RPS6KA2: variants seen among roughly 807,000 people sequenced by gnomAD.
RPS6KA2 encodes the protein ribosomal protein S6 kinase A2.
In RPS6KA2, 42 loss-of-function variants were observed where a neutral mutation model predicts 91.8. That is an observed-to-expected ratio of 0.46 (90% CI 0.36 to 0.59). RPS6KA2 has a LOEUF of 0.59. RPS6KA2 is among the 20% of genes least tolerant of loss of function. RPS6KA2 has a pLI of 0.00. For synonymous variants in RPS6KA2, 414 were observed against 393.6 expected (o/e 1.05, Z -0.61); for missense variants, 798 against 978.5 (o/e 0.82, Z 2.46).
At chr6:166,492,699 T>C (rs1019174673) in intron 8 of RPS6KA2, among the ~76,000 whole-genome samples, 1 of 150,070 alleles carries the variant, frequency 6.7e-6, no homozygotes, top group African/African-American at 2.4e-5. Flanking sequence ...ATACATTTGT[T>C]TGGTGATTTC....
chr6:166,474,033 G>T (rs534929608), intron 10 of RPS6KA2, among the ~76,000 whole-genome samples: 1 of 147,770 alleles, frequency 6.8e-6, no homozygotes, highest in South Asian at 2.1e-4. Context: ...ACAGGACTCA[G>T]CCGGTTAGGA....
At chr6:166,446,781 C>T (rs1009633678) in intron 14 of RPS6KA2, among the ~76,000 whole-genome samples, 13 of 152,266 alleles carry the variant, frequency 8.5e-5, no homozygotes, top group Admixed American at 3.3e-4. Flanking sequence ...CTGACCAAAC[C>T]GTAGGCTTGT....
intron 1 of RPS6KA2, among the ~76,000 whole-genome samples, chr6:166,625,559 G>T (rs1222162486): frequency 6.6e-6 from 1 of 151,958 alleles, no homozygotes; most frequent in Non-Finnish European, 1.5e-5. Context: ...AGGAGACAAG[G>T]AGTTGTCTAA....
At chr6:166,478,596 G>A (rs1265607250) in intron 10 of RPS6KA2, among the ~76,000 whole-genome samples, 1 of 152,170 alleles carries the variant, frequency 6.6e-6, no homozygotes, top group Non-Finnish European at 1.5e-5. Context: ...CTCACAAAAC[G>A]ATGGTTTTCT....
Position 166,717,293 on chromosome 6 carries a change from G to A in RPS6KA2, c.123+140907C>T, listed in dbSNP as rs117221042. Among the ~76,000 whole-genome samples, 94 of 152,364 alleles carry A rather than the reference G, an allele frequency of 6.2e-4. No individual in the cohort carries two copies. In the East Asian group the frequency reaches 0.012, roughly 19 times the overall value. On this transcript the variant is annotated intron_variant, in intron 2 of 21. Transcript: ENST00000503859. ...ACAGTGAACATCTGGGATCATTGCT[G>A]TGTATTCCCCGCAACAGAGAGCTGC...
intron 2 of RPS6KA2, among the ~76,000 whole-genome samples, chr6:166,781,501 C>A (rs1327603864): frequency 6.6e-6 from 1 of 152,216 alleles, no homozygotes; most frequent in East Asian, 1.9e-4. Context: ...TGCCACAGAA[C>A]TACATGCACC....
chr6:166,471,762 T>A (rs1303193816), intron 10 of RPS6KA2, among the ~76,000 whole-genome samples: 1 of 152,214 alleles, frequency 6.6e-6, no homozygotes, highest in African/African-American at 2.4e-5. Flanking sequence ...GTACTGGGTT[T>A]GGAGGCACAT....
chr6:166,756,019 T>A (rs1002851337), intron 2 of RPS6KA2, among the ~76,000 whole-genome samples: 1 of 152,172 alleles, frequency 6.6e-6, no homozygotes, highest in African/African-American at 2.4e-5. Flanking sequence ...AATTTCAAAA[T>A]AAAATATAAA....
intron 2 of RPS6KA2, among the ~76,000 whole-genome samples, chr6:166,538,451 G>A (rs1783548916): frequency 6.6e-6 from 1 of 152,164 alleles, no homozygotes; most frequent in Admixed American, 6.5e-5. Context: ...TGCATGTGAC[G>A]GCTCCAACGG....
intron 2 of RPS6KA2, among the ~76,000 whole-genome samples, chr6:166,660,356 G>A (rs930436704): frequency 1.2e-4 from 18 of 151,072 alleles, no homozygotes; most frequent in South Asian, 4.2e-4. Context: ...TGGTGTGTGC[G>A]TGCGTGTGTG....
intron 2 of RPS6KA2, among the ~76,000 whole-genome samples, chr6:166,649,757 GT>G (rs1477191940): frequency 5.9e-5 from 9 of 152,176 alleles, no homozygotes; most frequent in Non-Finnish European, 1.0e-4. Flanking sequence ...ACCCCGGGGG[GT>G]TTTCGTTCCA....
chr6:166,704,912 T>C (rs1200570807), intron 2 of RPS6KA2, among the ~76,000 whole-genome samples: 1 of 152,238 alleles, frequency 6.6e-6, no homozygotes, highest in Non-Finnish European at 1.5e-5. Context: ...ATATATTTCT[T>C]CTATGCCAGG....
chr6:166,525,449 C>T (rs967949250), intron 3 of RPS6KA2, among the ~76,000 whole-genome samples: 4 of 152,258 alleles, frequency 2.6e-5, no homozygotes, highest in Middle Eastern at 3.4e-3. Flanking sequence ...AGCAGATGAC[C>T]TCCCTCGGAA....
chr6:166,766,437 T>C (rs1229858097), intron 2 of RPS6KA2, among the ~76,000 whole-genome samples: 1 of 152,216 alleles, frequency 6.6e-6, no homozygotes, highest in Non-Finnish European at 1.5e-5. Flanking sequence ...ATACATATAA[T>C]TGTACAACTT....
intron 16 of RPS6KA2, among the ~76,000 whole-genome samples, chr6:166,429,372 G>T (rs113436763): frequency 6.6e-6 from 1 of 151,578 alleles, no homozygotes. Flanking sequence ...CACCAGCATG[G>T]CACATGTATA....
chr6:166,411,022 A>C lies in RPS6KA2; in HGVS notation c.*1740T>G, dbSNP rs1397275286. ...TGGGAAAAAGCATCTTCTATGGAGA[A>C]AATGTGAGGAATACCCTGTGGGCAC... On this transcript the variant is annotated 3_prime_UTR_variant, in exon 21 of 21. Transcript: ENST00000265678. The surrounding 1 kb of genome is among the most constrained non-coding windows in gnomAD (Gnocchi z 4.5). The C allele has an allele frequency of 6.6e-6, 1 of 152,192 alleles. No homozygotes were observed. The highest frequency in any genetic ancestry group is 2.4e-5 in the African/African-American group (1 of 41,460). The allele number at this position is 152,192 out of a possible 1,614,324, so 9.4% of individuals were successfully genotyped here.
upstream of RPS6KA2, among the ~76,000 whole-genome samples, chr6:166,628,883 ATTC>A: frequency 6.6e-6 from 1 of 152,258 alleles, no homozygotes; most frequent in South Asian, 2.1e-4. Context: ...TATAATGACT[ATTC>A]TTTAAAAACA....
chr6:166,680,207 T>C (rs1209878824), intron 2 of RPS6KA2, among the ~76,000 whole-genome samples: 2 of 152,196 alleles, frequency 1.3e-5, no homozygotes, highest in African/African-American at 2.4e-5. Context: ...AACTTTTGTG[T>C]CTAACTAAAG....
intron 2 of RPS6KA2, among the ~76,000 whole-genome samples, chr6:166,772,003 G>A (rs1778485342): frequency 2.0e-5 from 3 of 151,466 alleles, no homozygotes; most frequent in Admixed American, 2.0e-4. Flanking sequence ...ATCGAGGTGA[G>A]AATCATAGCT....
Sources: gnomAD v4.1 joint callset for allele counts (sites outside exome capture counted in the v4.1 genomes callset) on GRCh38, gnomAD v4.1.1 for gene constraint, Gnocchi (gnomAD v3.1) non-coding constraint, MANE v1.5 for transcripts, NCBI Gene and HGNC (gene_info 2026-07-23, HGNC 2026-07-21) for gene names.